The following COPG2 variants were observed in gnomAD, a reference collection of about 807,000 sequenced individuals.
COPG2 encodes coat protein complex I subunit gamma 2, also known as coatomer subunit gamma-2.
In COPG2, 37 loss-of-function variants were observed where a neutral mutation model predicts 46.3. The observed-to-expected ratio is 0.80, with a 90% CI of 0.61 to 1.05. The LOEUF is 1.05. Among genes scored for constraint, COPG2 ranks in the 50% least tolerant of loss-of-function variants. The pLI, the probability that COPG2 is intolerant of heterozygous loss-of-function variation, is 0.00. For missense variants in COPG2, 427 were observed against 387.8 expected, an observed-to-expected ratio of 1.10 and a Z score of -0.85; for synonymous variants, 159 against 129.7, an observed-to-expected ratio of 1.23 and a Z score of -1.53.
At chr7:130,586,664 A>G (rs2116450820) in intron 9 of COPG2, among the ~76,000 whole-genome samples, 1 of 151,986 alleles carries the variant, frequency 6.6e-6, no homozygotes, top group Admixed American at 6.6e-5. Flanking sequence ...GCATTTTACC[A>G]TGTTAGCCAG....
intron 20 of COPG2, among the ~76,000 whole-genome samples, chr7:130,517,083 T>C (rs1799685092): frequency 6.6e-6 from 1 of 151,870 alleles, no homozygotes; most frequent in South Asian, 2.1e-4. Context: ...AGCAGCATGA[T>C]TCTCTGGGGC....
intron 9 of COPG2, among the ~76,000 whole-genome samples, chr7:130,569,594 C>T (rs983941740): frequency 6.6e-6 from 1 of 152,016 alleles, no homozygotes; most frequent in Non-Finnish European, 1.5e-5. Context: ...AAGTCCAAGA[C>T]CAGATAAACT....
At chr7:130,556,401 C>T (rs1156570259) in intron 12 of COPG2, among the ~76,000 whole-genome samples, 2 of 151,974 alleles carry the variant, frequency 1.3e-5, no homozygotes, top group African/African-American at 2.4e-5. Flanking sequence ...GGGCAGTTAG[C>T]GCCTAACTTG....
chr7:130,509,238 T>A (rs1554440678), intron 20 of COPG2: 1 of 505,440 alleles, frequency 2.0e-6, no homozygotes, highest in Non-Finnish European at 4.0e-6. Flanking sequence ...AAAGTCAGTG[T>A]CTTAAATGGA....
intron 12 of COPG2, among the ~76,000 whole-genome samples, chr7:130,560,056 A>G (rs1793692716): frequency 6.6e-6 from 1 of 152,184 alleles, no homozygotes; most frequent in Non-Finnish European, 1.5e-5. Flanking sequence ...TGGATTGGAT[A>G]TAAAGAAGTA....
chr7:130,511,823 A>G (rs1799600166), intron 20 of COPG2: 1 of 519,726 alleles, frequency 1.9e-6, no homozygotes, highest in Non-Finnish European at 3.8e-6. Flanking sequence ...GGAATTCAGT[A>G]GGAGGCAGCA....
Position 130,541,196 on chromosome 7 carries a change from C to T in COPG2, c.2149+6478G>A, listed in dbSNP as rs934957751. The stretch of plus-strand genomic sequence containing the variant: ...CAGATGGATGTAGCCGAAAAGGCAC[C>T]GGGTACCCTGGTGGTGGAACTGGGT... On this transcript the variant is annotated intron_variant, in intron 20 of 23. Transcript: ENST00000425248. Among the ~76,000 whole-genome samples the T allele has an allele frequency of 3.9e-5, 6 of 152,118 alleles. No individual in the cohort carries two copies. The South Asian group carries it at 8.3e-4, about 21-fold the overall frequency.
chr7:130,636,914 C>A (rs944607727), intron 5 of COPG2, among the ~76,000 whole-genome samples: 1 of 152,100 alleles, frequency 6.6e-6, no homozygotes, highest in African/African-American at 2.4e-5. Context: ...GAAAGGCAGG[C>A]CTGGTGGTGA....
intron 9 of COPG2, among the ~76,000 whole-genome samples, chr7:130,591,695 T>G (rs1376187298): frequency 6.9e-6 from 1 of 145,340 alleles, no homozygotes; most frequent in Non-Finnish European, 1.5e-5. Context: ...GGAGCCCCTC[T>G]GCCCAGCCAG....
chr7:130,534,403 T>G (rs1020905992), intron 20 of COPG2, among the ~76,000 whole-genome samples: 3 of 152,194 alleles, frequency 2.0e-5, no homozygotes, highest in Non-Finnish European at 4.4e-5. Context: ...CAATTTGCAG[T>G]AATCACTTAA....
At position 130,554,494 on chromosome 7, in the gene COPG2, C is replaced by T. The variant is rs1793586539; in HGVS notation, c.1455G>A (p.Glu485=). Residue 485 remains glutamate, a synonymous_variant, in exon 14 of 24, where the codon GAG becomes GAA. Transcript: ENST00000425248. The part of the protein sequence containing the change: ...FIFNRVVLEN[E]AVRAAAVSAL... Reference sequence around the variant, plus strand: ...CCAATGACTCACCAGCTCTGACAGCCTCATTCTCCAGGACAACCCTATTAA... The same window carrying T: ...CCAATGACTCACCAGCTCTGACAGCTTCATTCTCCAGGACAACCCTATTAA... The T allele has an allele frequency of 5.0e-6, 2 of 398,578 alleles. No homozygotes were observed. The highest frequency in any genetic ancestry group is 2.5e-4 in the South Asian group (2 of 7,850). 24.7% of individuals were successfully genotyped at this position (398,578 alleles called of 1,614,324 possible).
intron 9 of COPG2, among the ~76,000 whole-genome samples, chr7:130,574,099 C>A (rs782089835): frequency 6.6e-6 from 1 of 151,972 alleles, no homozygotes; most frequent in East Asian, 1.9e-4. Flanking sequence ...AAAACAAGTG[C>A]CCATCAACTA....
intron 5 of COPG2, among the ~76,000 whole-genome samples, chr7:130,647,952 G>A (rs943607357): frequency 6.6e-6 from 1 of 151,822 alleles, no homozygotes; most frequent in Non-Finnish European, 1.5e-5. Context: ...GGACGGTCTC[G>A]ATCTCCTGAC....
intron 9 of COPG2, chr7:130,608,045 G>GTTCC (rs1278341014): frequency 3.0e-6 from 1 of 335,426 alleles, no homozygotes. Flanking sequence ...ATTATTGGAA[G>GTTCC]GAGGAAGCTC....
chr7:130,629,728 T>G (rs1795191171), intron 5 of COPG2, among the ~76,000 whole-genome samples: 2 of 152,184 alleles, frequency 1.3e-5, no homozygotes, highest in South Asian at 4.1e-4. Flanking sequence ...GCTAGTCTGT[T>G]TGATATTCTC....
rs117959898 is a variant in COPG2, at chr7:130,639,984, C to G, written c.323+12885G>C. Among the ~76,000 whole-genome samples, 113 of 152,202 alleles carry G rather than the reference C, an allele frequency of 7.4e-4. 1 individual carries two copies. In the East Asian group the frequency reaches 0.021, roughly 28 times the overall value. On this transcript the variant is annotated intron_variant, in intron 5 of 23. Transcript: ENST00000425248. ...TTCACCCAACAGCCGTCCCTTTTCT[C>G]AGTGGTAGGTTTCTTCCGAGGGTTT...
intron 4 of COPG2, among the ~76,000 whole-genome samples, chr7:130,655,781 T>C (rs1045984121): frequency 6.6e-6 from 1 of 152,180 alleles, no homozygotes; most frequent in African/African-American, 2.4e-5. Context: ...ATGCCTATTA[T>C]CCAATATCTG....
At chr7:130,575,307 G>A (rs1335678192) in intron 9 of COPG2, among the ~76,000 whole-genome samples, 3 of 152,078 alleles carry the variant, frequency 2.0e-5, no homozygotes, top group Non-Finnish European at 2.9e-5. Flanking sequence ...TGAGACAGAC[G>A]CACCAGATAA....
At chr7:130,604,989 C>T (rs1361724186) in intron 9 of COPG2, among the ~76,000 whole-genome samples, 3 of 152,224 alleles carry the variant, frequency 2.0e-5, no homozygotes, top group Non-Finnish European at 4.4e-5. Context: ...CAACCTTATA[C>T]TACTAGAATA....
Sources: gnomAD v4.1 joint callset for allele counts (sites outside exome capture counted in the v4.1 genomes callset) on GRCh38, gnomAD v4.1.1 for gene constraint, MANE v1.5 for transcripts, NCBI Gene and HGNC (gene_info 2026-07-23, HGNC 2026-07-21) for gene names.